The following SIM1 variants were observed in gnomAD, a reference collection of about 807,000 sequenced individuals.
SIM1 encodes single-minded homolog 1.
SIM1 carries 18 observed loss-of-function variants against 78.2 expected under a neutral mutation model. That is an observed-to-expected ratio of 0.23 (90% CI 0.16 to 0.34). The LOEUF is 0.34. Ranked by LOEUF, SIM1 falls within the 10% of genes least tolerant of loss-of-function variation. The pLI, the probability that SIM1 is intolerant of heterozygous loss-of-function variation, is 1.00. For synonymous variants in SIM1, 417 were observed against 385.2 expected, an observed-to-expected ratio of 1.08 and a Z score of -0.97; for missense variants, 939 against 975.1, an observed-to-expected ratio of 0.96 and a Z score of 0.49.
intron 2 of SIM1, among the ~76,000 whole-genome samples, chr6:100,462,429 ATGGTTGTATATAGGACAG>A: frequency 6.6e-6 from 1 of 152,230 alleles, no homozygotes; most frequent in Admixed American, 6.5e-5. Flanking sequence ...GTAAGTATAA[ATGGTTGTATATAGGACAG>A]TGTTCTATGA....
intron 10 of SIM1, among the ~76,000 whole-genome samples, chr6:100,404,490 A>G (rs942832059): frequency 6.6e-6 from 1 of 152,166 alleles, no homozygotes; most frequent in Non-Finnish European, 1.5e-5. Flanking sequence ...GAAAAATCAC[A>G]GATGCAGACT....
chr6:100,452,346 G>C (rs1463859822), intron 3 of SIM1, among the ~76,000 whole-genome samples: 2 of 152,170 alleles, frequency 1.3e-5, no homozygotes, highest in African/African-American at 4.8e-5. Flanking sequence ...TTGTAAAGCT[G>C]CTCTCCTTAG....
intron 10 of SIM1, among the ~76,000 whole-genome samples, chr6:100,416,043 T>C (rs934831252): frequency 6.6e-6 from 1 of 152,090 alleles, no homozygotes; most frequent in Non-Finnish European, 1.5e-5. Flanking sequence ...CATACAACTC[T>C]CCCTCCCAGA....
intron 9 of SIM1, among the ~76,000 whole-genome samples, chr6:100,439,619 G>A (rs1418285889): frequency 1.3e-5 from 2 of 152,272 alleles, no homozygotes; most frequent in African/African-American, 2.4e-5. Flanking sequence ...GTAGAACAAT[G>A]AGGAATATAC....
chr6:100,449,112 C>A (rs1478185679), intron 6 of SIM1, among the ~76,000 whole-genome samples: 1 of 152,204 alleles, frequency 6.6e-6, no homozygotes, highest in African/African-American at 2.4e-5. Context: ...CCCATCTCTA[C>A]GGGTCACAAG....
chr6:100,447,986 A>C (rs547298523), intron 8 of SIM1, among the ~76,000 whole-genome samples, 160 bp downstream of exon 8: 6 of 152,218 alleles, frequency 3.9e-5, no homozygotes, highest in Non-Finnish European at 7.3e-5. Context: ...AGGTGGGCCC[A>C]GTGTCGGAGA....
chr6:100,448,747 G>A, intron 6 of SIM1, 69 bp from the exon 7 acceptor site: 1 of 1,320,672 alleles, frequency 7.6e-7, no homozygotes, highest in Non-Finnish European at 1.0e-6. Context: ...TGGAGAAGGG[G>A]TTGAAACATG....
At chr6:100,448,296 A>C (rs747311534) in intron 7 of SIM1, 44 bp from the exon 8 acceptor site, 5 of 1,507,720 alleles carry the variant, frequency 3.3e-6, no homozygotes, top group South Asian at 1.2e-5. Context: ...GCGCGGGTGC[A>C]GGGATGCCCT....
intron 10 of SIM1, among the ~76,000 whole-genome samples, chr6:100,405,675 T>C (rs970949797): frequency 1.3e-5 from 2 of 152,166 alleles, no homozygotes; most frequent in East Asian, 3.8e-4. Context: ...TGGGAAGTTT[T>C]AAAAATATGC....
intron 10 of SIM1, among the ~76,000 whole-genome samples, chr6:100,417,572 A>C (rs975927188): frequency 6.6e-6 from 1 of 152,206 alleles, no homozygotes; most frequent in East Asian, 1.9e-4. Context: ...GATTTTTGAG[A>C]AGCTAATTTA....
intron 3 of SIM1, 35 bp downstream of exon 3, chr6:100,453,727 A>T: frequency 6.5e-7 from 1 of 1,539,534 alleles, no homozygotes; most frequent in Non-Finnish European, 8.9e-7. Context: ...CAGACCCTCA[A>T]AGCTTATGTG....
intron 2 of SIM1, among the ~76,000 whole-genome samples, chr6:100,460,223 A>G (rs1161755892): frequency 6.6e-6 from 1 of 152,186 alleles, no homozygotes; most frequent in Non-Finnish European, 1.5e-5. Flanking sequence ...GCCCCCAGAC[A>G]AGGAAGCTAC....
chr6:100,442,522 A>C (rs1302329559), intron 9 of SIM1, among the ~76,000 whole-genome samples: 1 of 152,178 alleles, frequency 6.6e-6, no homozygotes, highest in Admixed American at 6.5e-5. Flanking sequence ...ACGGGTATAC[A>C]TTAGTGCATG....
At chr6:100,413,095 C>T (rs1410378890) in intron 10 of SIM1, among the ~76,000 whole-genome samples, 1 of 152,218 alleles carries the variant, frequency 6.6e-6, no homozygotes, top group South Asian at 2.1e-4. Flanking sequence ...ACCACAGATA[C>T]CACACTGACA....
intron 3 of SIM1, among the ~76,000 whole-genome samples, chr6:100,453,480 C>T (rs1772565316): frequency 6.6e-6 from 1 of 152,130 alleles, no homozygotes; most frequent in African/African-American, 2.4e-5. Flanking sequence ...TGCCCCCTCC[C>T]TTGGTTAGGG....
chr6:100,462,977 C>A, intron 2 of SIM1: 1 of 250,426 alleles, frequency 4.0e-6, no homozygotes. Flanking sequence ...AAAAGAAAGT[C>A]ATGTTTGGAT....
intron 10 of SIM1, among the ~76,000 whole-genome samples, chr6:100,402,775 C>CA (rs1770957304): frequency 6.6e-6 from 1 of 151,684 alleles, no homozygotes; most frequent in Non-Finnish European, 1.5e-5. Flanking sequence ...GACGGGGTTT[C>CA]CCGTGTTAGC....
intron 9 of SIM1, among the ~76,000 whole-genome samples, chr6:100,434,563 T>C (rs1238594739): frequency 6.6e-6 from 1 of 152,214 alleles, no homozygotes; most frequent in Non-Finnish European, 1.5e-5. Flanking sequence ...GTAAAATGAA[T>C]GGCTGAAGAG....
intron 11 of SIM1, 66 bp downstream of exon 11, chr6:100,393,421 C>T (rs1770689260): frequency 7.3e-7 from 1 of 1,371,792 alleles, no homozygotes; most frequent in Admixed American, 2.7e-5. Flanking sequence ...ACTCTAGTGT[C>T]ACAATGTGAT....
Sources: allele counts gnomAD v4.1 joint callset (sites outside exome capture counted in the v4.1 genomes callset), GRCh38; gene constraint gnomAD v4.1.1; transcripts MANE v1.5; gene names NCBI Gene and HGNC (gene_info 2026-07-23, HGNC 2026-07-21).